TRAPPC9: variants seen among roughly 807,000 people sequenced by gnomAD.
The protein encoded by TRAPPC9 is trafficking protein particle complex subunit 9, also known as IKK2 binding protein.
A neutral mutation model predicts 124.0 loss-of-function variants in TRAPPC9; 83 were observed. That is an observed-to-expected ratio of 0.67 (90% CI 0.56 to 0.80). TRAPPC9 has a LOEUF of 0.80. TRAPPC9 is among the 30% of genes least tolerant of loss of function. The probability of loss-of-function intolerance (pLI) is 0.00; values close to 1 mark genes in which losing one functional copy is unlikely to be tolerated. For synonymous variants in TRAPPC9, 638 were observed against 617.5 expected, an observed-to-expected ratio of 1.03 and a Z score of -0.49; for missense variants, 1,302 against 1,508.3, an observed-to-expected ratio of 0.86 and a Z score of 2.27.
intron 6 of TRAPPC9, among the ~76,000 whole-genome samples, chr8:140,400,121 C>T (rs1329699790): frequency 6.6e-6 from 1 of 152,214 alleles, no homozygotes; most frequent in East Asian, 1.9e-4. Flanking sequence ...CCCAGCCACA[C>T]AGAACTGTAA....
chr8:140,346,964 T>C (rs1360636507), intron 9 of TRAPPC9, among the ~76,000 whole-genome samples: 8 of 152,178 alleles, frequency 5.3e-5, no homozygotes, highest in Non-Finnish European at 1.5e-5. Context: ...CATGGAGTGA[T>C]GTCTGAGGCA....
intron 17 of TRAPPC9, among the ~76,000 whole-genome samples, chr8:140,116,873 G>GAGTAGGCGGAGTTCAGTA (rs2060898169): frequency 7.8e-6 from 1 of 128,346 alleles, no homozygotes; most frequent in African/African-American, 4.2e-5. Context: ...GGAGTTCAGT[G>GAGTAGGCGGAGTTCAGTA]AGTAGGCGGA....
chr8:140,282,620 G>T (rs996687871), intron 14 of TRAPPC9, among the ~76,000 whole-genome samples: 2 of 151,910 alleles, frequency 1.3e-5, no homozygotes, highest in African/African-American at 4.8e-5. Context: ...AAATTAATGG[G>T]TATGCAATTT....
chr8:140,147,984 G>A (rs1282125928), intron 17 of TRAPPC9, among the ~76,000 whole-genome samples: 3 of 152,238 alleles, frequency 2.0e-5, no homozygotes, highest in Middle Eastern at 3.2e-3. Context: ...TCTCCTGCTC[G>A]AGAAACACTT....
At chr8:140,184,088 G>A (rs996022870) in intron 17 of TRAPPC9, among the ~76,000 whole-genome samples, 1 of 152,026 alleles carries the variant, frequency 6.6e-6, no homozygotes, top group African/African-American at 2.4e-5. Context: ...GTCAGCAGTC[G>A]TGGGCTGAGA....
At position 140,023,962 on chromosome 8, in the gene TRAPPC9, G is replaced by A. The variant is rs200653966; in HGVS notation, c.2674C>T (p.Arg892Ter). Residue 892 changes from arginine to a stop codon, truncating the protein, a stop_gained, in exon 18 of 23, where the codon CGA becomes TGA. Transcript: ENST00000438773. LOFTEE classifies it high-confidence loss of function. ...VEVEPSVFFT[R>*]VSTLPATSTR... ...CTGGTTGCTGGGAGGGTGCTGACTC[G>A]GGTGAAAAATACAGACGGCTCGACT... 3.1e-6 allele frequency: 5 copies of A among 1,614,066 alleles called. No homozygotes were observed. Among genetic ancestry groups the A allele is most frequent in the East Asian group, 2.2e-5 (1 of 44,872 alleles).
intron 19 of TRAPPC9, among the ~76,000 whole-genome samples, chr8:139,925,284 C>A (rs1011136460): frequency 1.3e-5 from 2 of 152,194 alleles, no homozygotes; most frequent in Admixed American, 6.5e-5. Context: ...AGAAATATCG[C>A]CTTTCTGCCC....
At position 139,810,967 on chromosome 8, in the gene TRAPPC9, T is replaced by A. The variant is rs906866983; in HGVS notation, c.3055+74912A>T. ...ACTTCCCATCTACTTTAGGGCCTCA[T>A]AGGAACAAAGGCCAAAGGGCACAGC... On this transcript the variant is annotated intron_variant, in intron 21 of 22. Coordinates refer to ENST00000438773, the MANE Select transcript of TRAPPC9 (RefSeq NM_001160372.4). 2.0e-5 allele frequency among the ~76,000 whole-genome samples: 3 copies of A among 152,082 alleles called. No homozygotes were observed. In the East Asian group the frequency reaches 5.8e-4, roughly 29 times the overall value.
At position 140,252,436 on chromosome 8, in the gene TRAPPC9, T is replaced by C. The variant is rs2064152144; in HGVS notation, c.2431+341A>G. 1 of 319,544 alleles carries C rather than the reference T, an allele frequency of 3.1e-6. No individual in the cohort carries two copies. The highest frequency in any genetic ancestry group is 4.6e-5 in the Admixed American group (1 of 21,898). 19.8% of individuals were successfully genotyped at this position (319,544 alleles called of 1,614,324 possible). A position where few individuals can be genotyped will look rare whatever the true frequency, so the allele number is the denominator to read the frequency against. On this transcript the variant is annotated intron_variant, in intron 16 of 22. Transcript: ENST00000438773. The surrounding 1 kb of genome is among the most constrained non-coding windows in gnomAD (Gnocchi z 4.2). ...TATCATCAGACTTTGAAGGAAAACT[T>C]TATCATCACAGCTAATTAGATGTCT...
chr8:140,036,963 G>A (rs1024737069), intron 17 of TRAPPC9, among the ~76,000 whole-genome samples: 2 of 151,948 alleles, frequency 1.3e-5, no homozygotes, highest in Non-Finnish European at 2.9e-5. Context: ...TGTCACCTAC[G>A]TTAGGTATTT....
At chr8:140,361,132 G>GA (rs1410087609) in intron 8 of TRAPPC9, among the ~76,000 whole-genome samples, 6 of 152,200 alleles carry the variant, frequency 3.9e-5, no homozygotes, top group East Asian at 1.9e-4. Context: ...CTTAGACCAT[G>GA]AAAAAACGCA....
At chr8:140,413,845 A>C (rs575069093) in intron 5 of TRAPPC9, among the ~76,000 whole-genome samples, 212 of 151,708 alleles carry the variant, frequency 1.4e-3, no homozygotes, top group African/African-American at 4.1e-3. Flanking sequence ...TGAACTCATC[A>C]TTTTTTATGG....
chr8:140,361,974 G>A (rs572169373), intron 8 of TRAPPC9, among the ~76,000 whole-genome samples: 2 of 152,216 alleles, frequency 1.3e-5, no homozygotes, highest in Admixed American at 6.5e-5. Flanking sequence ...TGCTCCAAGG[G>A]TTCCACCGCT....
chr8:140,433,451 G>A (rs1405136128), intron 4 of TRAPPC9, among the ~76,000 whole-genome samples: 1 of 152,068 alleles, frequency 6.6e-6, no homozygotes, highest in Admixed American at 6.5e-5. Flanking sequence ...TTAGCCAGGT[G>A]TGGTGACGGG....
chr8:140,398,513 G>T (rs952123138), intron 6 of TRAPPC9, among the ~76,000 whole-genome samples: 2 of 152,224 alleles, frequency 1.3e-5, no homozygotes, highest in Non-Finnish European at 2.9e-5. Context: ...CTCAGTTCTT[G>T]TTGGGAACTG....
intron 19 of TRAPPC9, among the ~76,000 whole-genome samples, chr8:139,967,393 T>C (rs1471858691): frequency 6.6e-6 from 1 of 152,266 alleles, no homozygotes; most frequent in African/African-American, 2.4e-5. Context: ...CTGGGCCATT[T>C]GTTACTGGAG....
chr8:139,954,265 C>T (rs200328321), intron 19 of TRAPPC9, among the ~76,000 whole-genome samples: 3 of 152,224 alleles, frequency 2.0e-5, no homozygotes, highest in South Asian at 2.1e-4. Flanking sequence ...TGTACACTTC[C>T]GTATGTGTAG....
intron 15 of TRAPPC9, among the ~76,000 whole-genome samples, chr8:140,275,164 G>C (rs779521761): frequency 1.3e-5 from 2 of 152,112 alleles, no homozygotes; most frequent in Admixed American, 1.3e-4. Flanking sequence ...TATCCAAGAG[G>C]AAATCGAGGC....
intron 17 of TRAPPC9, among the ~76,000 whole-genome samples, chr8:140,122,709 C>T (rs1380322440): frequency 6.6e-6 from 1 of 152,166 alleles, no homozygotes; most frequent in Non-Finnish European, 1.5e-5. Context: ...TAGGGAGCGG[C>T]AGAGAGGAAC....
Sources: gnomAD v4.1 joint callset for allele counts (sites outside exome capture counted in the v4.1 genomes callset) on GRCh38, gnomAD v4.1.1 for gene constraint, Gnocchi (gnomAD v3.1) non-coding constraint, MANE v1.5 for transcripts, NCBI Gene and HGNC (gene_info 2026-07-23, HGNC 2026-07-21) for gene names.